PZP: variants seen among roughly 807,000 people sequenced by gnomAD.
PZP encodes pregnancy zone protein.
Under a neutral mutation model 179.8 loss-of-function variants are expected in PZP, and 150 were observed. The observed-to-expected ratio is 0.83, with a 90% CI of 0.73 to 0.96. The LOEUF (loss-of-function observed/expected upper bound fraction) is 0.96. Among genes scored for constraint, PZP ranks in the 40% least tolerant of loss-of-function variants. The pLI, the probability that PZP is intolerant of heterozygous loss-of-function variation, is 0.00. For missense variants in PZP, 1,689 were observed against 1,764.0 expected (o/e 0.96, Z 0.76); for synonymous variants, 624 against 652.3 (o/e 0.96, Z 0.66).
intron 9 of PZP, 54 bp from the exon 10 acceptor site, chr12:9,196,493 C>A (rs1943781103): frequency 6.3e-7 from 1 of 1,575,084 alleles, no homozygotes; most frequent in Non-Finnish European, 8.7e-7. Flanking sequence ...CATAAAATTT[C>A]TTTCTTACAA....
chr12:9,206,969 C>T (rs946256032), intron 1 of PZP, among the ~76,000 whole-genome samples: 1 of 152,086 alleles, frequency 6.6e-6, no homozygotes, highest in Non-Finnish European at 1.5e-5. Context: ...GGATGGAGAG[C>T]AGCTGGAAGT....
In PZP at chr12:9,163,676, AC is replaced by A. The variant is rs772379289; in HGVS notation, c.2727del (p.Leu910TrpfsTer16). ...TCCCAAAAATATGTTACCTCCACCAACAGGGTTTTGATGACTGTGTCTTTTC... is the reference window on the plus strand; with the variant it reads ...TCCCAAAAATATGTTACCTCCACCAAAGGGTTTTGATGACTGTGTCTTTTC... ...IKRKDTVIKT[L>X]LVEAEGIEQE... On this transcript the variant is annotated frameshift_variant, in exon 21 of 36. Transcript: ENST00000261336. LOFTEE classifies it high-confidence loss of function. 1.9e-6 allele frequency: 3 copies of A among 1,613,578 alleles called. No individual in the cohort carries two copies. The highest frequency in any genetic ancestry group is 2.5e-6 in the Non-Finnish European group (3 of 1,179,710).
chr12:9,171,475 C>T (rs1941996513), intron 15 of PZP, among the ~76,000 whole-genome samples: 1 of 152,212 alleles, frequency 6.6e-6, no homozygotes, highest in Admixed American at 6.5e-5. Flanking sequence ...TGTGACACCT[C>T]ACCAGCAAGG....
At chr12:9,138,034 G>A in the PZP span, among the ~76,000 whole-genome samples, 1 of 152,066 alleles carries the variant, frequency 6.6e-6, no homozygotes, top group African/African-American at 2.4e-5. Flanking sequence ...TAACTGTTCT[G>A]GCTAGGGCTT....
At chr12:9,183,520 C>T (rs1386550414) in intron 13 of PZP, among the ~76,000 whole-genome samples, 1 of 152,134 alleles carries the variant, frequency 6.6e-6, no homozygotes, top group Non-Finnish European at 1.5e-5. Context: ...CTGCCTCAGC[C>T]TCCCCAGTAG....
chr12:9,141,025 C>T, the PZP span, among the ~76,000 whole-genome samples: 1 of 152,160 alleles, frequency 6.6e-6, no homozygotes, highest in Non-Finnish European at 1.5e-5. Flanking sequence ...AAGATTACTT[C>T]AGTCTCTAGG....
intron 13 of PZP, among the ~76,000 whole-genome samples, chr12:9,189,485 A>T (rs894118672): frequency 6.6e-6 from 1 of 152,244 alleles, no homozygotes; most frequent in Non-Finnish European, 1.5e-5. Context: ...ATGCACAAAA[A>T]TCAACTCAAG....
Position 9,150,723 on chromosome 12 carries a change from A to G in PZP, c.4305T>C (p.Phe1435=). The stretch of plus-strand genomic sequence containing the variant: ...GGATGTCTTGCAGAACCATGAAGGA[A>G]AAACTTAGCGTCTGATTTGTCACCT... ...VEQVTNQTLS[F]SFMVLQDIPV... Residue 1435 remains phenylalanine (F), a synonymous_variant, in exon 34 of 36, where the codon TTT becomes TTC. Transcript: ENST00000261336. 3.7e-6 allele frequency: 6 copies of G among 1,612,626 alleles called. No individual in the cohort carries two copies. Among genetic ancestry groups the G allele is most frequent in the Non-Finnish European group, 5.1e-6 (6 of 1,179,144 alleles).
At chr12:9,161,144 G>C in intron 22 of PZP, 28 bp from the exon 23 acceptor site, 1 of 1,484,224 alleles carries the variant, frequency 6.7e-7, no homozygotes, top group Non-Finnish European at 9.3e-7. Context: ...CCATGTTAAA[G>C]GAGGACATCT....
intron 1 of PZP, among the ~76,000 whole-genome samples, chr12:9,206,111 T>C (rs1300451164): frequency 6.6e-6 from 1 of 152,204 alleles, no homozygotes; most frequent in Non-Finnish European, 1.5e-5. Flanking sequence ...TATGTCTTAA[T>C]CTTTTTCTGG....
intron 1 of PZP, among the ~76,000 whole-genome samples, chr12:9,207,696 G>A (rs970424712): frequency 6.6e-6 from 1 of 152,190 alleles, no homozygotes; most frequent in Non-Finnish European, 1.5e-5. Context: ...TCTCTATTAG[G>A]AGTTAATGGA....
intron 15 of PZP, among the ~76,000 whole-genome samples, chr12:9,178,795 G>A (rs1261842726): frequency 6.6e-6 from 1 of 152,146 alleles, no homozygotes; most frequent in Non-Finnish European, 1.5e-5. Context: ...CCCACTGAAG[G>A]TCTTGGGACA....
At chr12:9,171,764 A>G (rs765699319) in intron 15 of PZP, among the ~76,000 whole-genome samples, 1 of 152,348 alleles carries the variant, frequency 6.6e-6, no homozygotes, top group South Asian at 2.1e-4. Context: ...TATCTATCTG[A>G]AATAAGACAG....
At chr12:9,160,149 G>A (rs777882017) in intron 24 of PZP, 124 bp from the exon 25 acceptor site, 99 of 1,163,572 alleles carry the variant, frequency 8.5e-5, no homozygotes, top group Non-Finnish European at 1.2e-4. Flanking sequence ...CCATAGTTTT[G>A]TGAATGTTAT....
intron 1 of PZP, among the ~76,000 whole-genome samples, chr12:9,207,653 G>A (rs1485592272): frequency 2.6e-5 from 4 of 152,178 alleles, no homozygotes; most frequent in Non-Finnish European, 5.9e-5. Flanking sequence ...CAAGAAGGAC[G>A]GAGAACTTTG....
At chr12:9,165,053 T>C (rs780826423) in intron 19 of PZP, 86 bp downstream of exon 19, 1 of 1,462,394 alleles carries the variant, frequency 6.8e-7, no homozygotes, top group African/African-American at 1.4e-5. Context: ...GAATTATCCT[T>C]AGTCTCAGGA....
At chr12:9,173,893 A>G (rs1163066705) in intron 15 of PZP, among the ~76,000 whole-genome samples, 1 of 152,244 alleles carries the variant, frequency 6.6e-6, no homozygotes, top group Admixed American at 6.5e-5. Flanking sequence ...GAATTCTACC[A>G]TAGGTACAAA....
chr12:9,168,771 A>G (rs1941769371), intron 17 of PZP, 98 bp downstream of exon 17: 1 of 884,014 alleles, frequency 1.1e-6, no homozygotes, highest in Non-Finnish European at 1.8e-6. Context: ...CTTTGTGTGT[A>G]TAAAGTGGAA....
chr12:9,149,082 G>T, intron 35 of PZP, 88 bp from the exon 36 acceptor site: 1 of 1,240,480 alleles, frequency 8.1e-7, no homozygotes, highest in Non-Finnish European at 1.2e-6. Context: ...GCTTATGCAG[G>T]GTCAGGAAAC....
Sources: allele counts gnomAD v4.1 joint callset (sites outside exome capture counted in the v4.1 genomes callset), GRCh38; gene constraint gnomAD v4.1.1; transcripts MANE v1.5; gene names NCBI Gene and HGNC (gene_info 2026-07-23, HGNC 2026-07-21).